IGSF11: variants seen among roughly 807,000 people sequenced by gnomAD.
IGSF11 encodes CXADR like 1.
In IGSF11, 22 loss-of-function variants were observed where a neutral mutation model predicts 41.0. The observed-to-expected ratio is 0.54, with a 90% CI of 0.38 to 0.77. IGSF11 has a LOEUF of 0.77. Among genes scored for constraint, IGSF11 ranks in the 30% least tolerant of loss-of-function variants. The pLI is 0.00. For missense variants in IGSF11, 444 were observed against 530.8 expected, an observed-to-expected ratio of 0.84 and a Z score of 1.61; for synonymous variants, 219 against 201.3, an observed-to-expected ratio of 1.09 and a Z score of -0.74.
chr3:118,950,128 T>C (rs1944464037), intron 1 of IGSF11, among the ~76,000 whole-genome samples: 1 of 152,220 alleles, frequency 6.6e-6, no homozygotes, highest in South Asian at 2.1e-4. Context: ...TACTTGATGC[T>C]ACCACTCTTT....
intron 1 of IGSF11, among the ~76,000 whole-genome samples, chr3:119,120,787 T>C (rs1448617039): frequency 6.6e-6 from 1 of 152,234 alleles, no homozygotes; most frequent in Non-Finnish European, 1.5e-5. Flanking sequence ...CCATATTGAA[T>C]GTACCTGGCT....
chr3:119,106,022 A>G (rs2077016853), upstream of IGSF11, among the ~76,000 whole-genome samples: 1 of 152,210 alleles, frequency 6.6e-6, no homozygotes, highest in Admixed American at 6.5e-5. Context: ...CAAAACATAT[A>G]TAGAGCAAAG....
At chr3:119,079,559 T>C (rs1330698985) in intron 1 of IGSF11, among the ~76,000 whole-genome samples, 6 of 152,198 alleles carry the variant, frequency 3.9e-5, no homozygotes, top group Non-Finnish European at 4.4e-5. Context: ...ATATAAATCA[T>C]TCTTTCATAG....
chr3:119,011,639 T>A (rs1260559406), intron 1 of IGSF11, among the ~76,000 whole-genome samples: 1 of 152,076 alleles, frequency 6.6e-6, no homozygotes, highest in Non-Finnish European at 1.5e-5. Flanking sequence ...AAATACTATA[T>A]AAGTATCTGG....
At chr3:119,047,047 A>G (rs1230169301) in intron 1 of IGSF11, among the ~76,000 whole-genome samples, 1 of 148,550 alleles carries the variant, frequency 6.7e-6, no homozygotes, top group African/African-American at 2.5e-5. Flanking sequence ...AAATCATGCC[A>G]AAATGTAAAG....
chr3:119,127,174 A>T (rs1436972645), intron 1 of IGSF11, among the ~76,000 whole-genome samples: 1 of 152,158 alleles, frequency 6.6e-6, no homozygotes, highest in Admixed American at 6.5e-5. Flanking sequence ...GCCAGTTTAG[A>T]GAGGAACATA....
intron 1 of IGSF11, among the ~76,000 whole-genome samples, chr3:118,950,792 A>G (rs963707326): frequency 1.3e-5 from 2 of 152,204 alleles, no homozygotes; most frequent in Non-Finnish European, 2.9e-5. Context: ...CTCAACCTGG[A>G]CAATCAACTA....
Position 119,016,702 on chromosome 3 carries a change from C to A in IGSF11, c.52+17829G>T, listed in dbSNP as rs771262460. On this transcript the variant is annotated intron_variant, in intron 1 of 6. Coordinates refer to ENST00000393775, the MANE Select transcript of IGSF11 (RefSeq NM_001015887.3). ...CATCCAAATTTAACCCACGTTACTTCCTAACAGGAACTAGCAACGCTCCTT... is the reference window on the plus strand; with the variant it reads ...CATCCAAATTTAACCCACGTTACTTACTAACAGGAACTAGCAACGCTCCTT... Among the ~76,000 whole-genome samples, 7 of 152,256 alleles carry A rather than the reference C, an allele frequency of 4.6e-5. No homozygotes were observed. In the South Asian group the frequency reaches 8.3e-4, roughly 18 times the overall value.
chr3:119,131,006 A>G (rs1381679523), intron 1 of IGSF11, among the ~76,000 whole-genome samples: 1 of 152,202 alleles, frequency 6.6e-6, no homozygotes, highest in Non-Finnish European at 1.5e-5. Context: ...TAGAATCAAC[A>G]TCAACAACAA....
At chr3:118,940,603 C>T (rs1204364223) in intron 1 of IGSF11, among the ~76,000 whole-genome samples, 4 of 151,956 alleles carry the variant, frequency 2.6e-5, no homozygotes, top group Non-Finnish European at 5.9e-5. Flanking sequence ...CAAGTCAACC[C>T]AAATTTATCT....
chr3:119,000,015 A>G (rs1435662), intron 1 of IGSF11, among the ~76,000 whole-genome samples: 60,052 of 150,664 alleles, frequency 0.4, 14,743 homozygotes, highest in African/African-American at 0.69. Flanking sequence ...ATCCCTCACT[A>G]AGTTCCTGAC....
intron 1 of IGSF11, among the ~76,000 whole-genome samples, chr3:119,089,582 A>G (rs544749929): frequency 2.0e-5 from 3 of 152,194 alleles, no homozygotes; most frequent in Non-Finnish European, 4.4e-5. Flanking sequence ...TAGCCAGAGC[A>G]ATCAAACAGG....
upstream of IGSF11, among the ~76,000 whole-genome samples, chr3:119,109,992 G>A (rs1175646490): frequency 6.6e-6 from 1 of 152,148 alleles, no homozygotes; most frequent in Admixed American, 6.5e-5. Context: ...CATTTGTTGA[G>A]GAGAGCTTTA....
intron 1 of IGSF11, among the ~76,000 whole-genome samples, chr3:119,020,684 C>T (rs868308531): frequency 2.6e-5 from 4 of 152,172 alleles, no homozygotes; most frequent in Non-Finnish European, 2.9e-5. Context: ...CTATTGAATA[C>T]ATAAGAATCA....
upstream of IGSF11, among the ~76,000 whole-genome samples, chr3:119,038,109 G>C (rs539059564): frequency 2.0e-5 from 3 of 152,048 alleles, no homozygotes; most frequent in South Asian, 6.2e-4. Flanking sequence ...AATTTTAGAG[G>C]AATTTTTCTC....
At chr3:119,124,830 C>T (rs1420267239) in intron 1 of IGSF11, among the ~76,000 whole-genome samples, 1 of 151,886 alleles carries the variant, frequency 6.6e-6, no homozygotes, top group Non-Finnish European at 1.5e-5. Context: ...TTATAAAACA[C>T]CAAGCAAAGA....
chr3:119,137,711 T>C (rs976025452), intron 1 of IGSF11, among the ~76,000 whole-genome samples: 1 of 151,990 alleles, frequency 6.6e-6, no homozygotes, highest in Non-Finnish European at 1.5e-5. Flanking sequence ...AATGGACAAA[T>C]TGGATAACAT....
At chr3:119,003,404 T>A (rs551142918) in intron 1 of IGSF11, among the ~76,000 whole-genome samples, 18 of 150,532 alleles carry the variant, frequency 1.2e-4, no homozygotes, top group Admixed American at 7.9e-4. Context: ...AGATAAACAA[T>A]CATGTCGTCT....
chr3:118,959,353 A>G (rs929829316), intron 1 of IGSF11, among the ~76,000 whole-genome samples: 7 of 152,220 alleles, frequency 4.6e-5, no homozygotes, highest in Non-Finnish European at 1.0e-4. Flanking sequence ...AAAGGGAAAG[A>G]CTGTGGACAG....
Sources: gnomAD v4.1 joint callset for allele counts (sites outside exome capture counted in the v4.1 genomes callset) on GRCh38, gnomAD v4.1.1 for gene constraint, MANE v1.5 for transcripts, NCBI Gene and HGNC (gene_info 2026-07-23, HGNC 2026-07-21) for gene names.